Variants in ALMS1 observed in about 807,000 individuals in gnomAD.
The protein encoded by ALMS1 is centrosome-associated protein ALMS1.
Under a neutral mutation model 352.2 loss-of-function variants are expected in ALMS1, and 271 were observed. The ratio of observed to expected loss-of-function variants is 0.77; its 90% CI spans 0.70 to 0.85. The LOEUF is 0.85. ALMS1 is among the 40% of genes least tolerant of loss of function. The probability of loss-of-function intolerance (pLI) is 0.00; values close to 1 mark genes in which losing one functional copy is unlikely to be tolerated. For synonymous variants in ALMS1, 1,865 were observed against 1,761.2 expected (o/e 1.06, Z -1.48); for missense variants, 5,445 against 4,870.7 (o/e 1.12, Z -3.51).
Position 73,453,666 on chromosome 2 carries a change from A to T in ALMS1, c.7139A>T (p.Gln2380Leu). 6.2e-7 allele frequency: 1 copy of T among 1,614,168 alleles called. No homozygotes were observed. ...VSMALEETLR[Q>L]YQAAKSVMRS... ...ATGGCATTAGAAGAAACTCTTAGGC[A>T]ATATCAAGCAGCCAAATCTGTAATG... Residue 2380 changes from glutamine (Q) to leucine (L), a missense_variant, in exon 8 of 23, where the codon CAA (glutamine) becomes CTA (leucine). Gln to Leu is a moderately radical substitution (Grantham distance 113, BLOSUM62 -2). Transcript: ENST00000613296.
At chr2:73,605,169 G>C (rs531889482) in intron 21 of ALMS1, among the ~76,000 whole-genome samples, 191 of 152,248 alleles carry the variant, frequency 1.3e-3, no homozygotes, top group South Asian at 9.9e-3. Context: ...AAGTGGGTCT[G>C]TGACTTCAGG....
intron 15 of ALMS1, among the ~76,000 whole-genome samples, chr2:73,563,869 C>A (rs1205825862): frequency 2.0e-5 from 3 of 151,388 alleles, no homozygotes; most frequent in Non-Finnish European, 4.4e-5. Context: ...ATAAAACAGA[C>A]AACCCTAGGA....
chr2:73,608,337 C>T (rs1467408725), intron 21 of ALMS1, 138 bp from the exon 22 acceptor site: 11 of 714,288 alleles, frequency 1.5e-5, no homozygotes, highest in East Asian at 5.3e-5. Context: ...GAGTATCTAA[C>T]GGGGCCCAGG....
intron 14 of ALMS1, among the ~76,000 whole-genome samples, chr2:73,558,323 GT>G (rs1335919132): frequency 6.6e-6 from 1 of 152,136 alleles, no homozygotes; most frequent in Non-Finnish European, 1.5e-5. Flanking sequence ...GGTATTGCTT[GT>G]TTAAAAAGGT....
intron 10 of ALMS1, among the ~76,000 whole-genome samples, chr2:73,493,584 TG>T (rs1277036556): frequency 6.6e-6 from 1 of 151,886 alleles, no homozygotes; most frequent in African/African-American, 2.4e-5. Context: ...TAGCTGGGCA[TG>T]GTGGCACATG....
intron 11 of ALMS1, among the ~76,000 whole-genome samples, chr2:73,524,583 G>A (rs796804698): frequency 2.6e-5 from 4 of 152,184 alleles, no homozygotes; most frequent in African/African-American, 9.6e-5. Flanking sequence ...CTCCTGAGTA[G>A]CTGGGATTAC....
At chr2:73,464,922 A>T (rs1314617128) in intron 9 of ALMS1, among the ~76,000 whole-genome samples, 1 of 152,194 alleles carries the variant, frequency 6.6e-6, no homozygotes, top group Non-Finnish European at 1.5e-5. Context: ...AGAACTACAA[A>T]CCACTGCTCA....
intron 10 of ALMS1, among the ~76,000 whole-genome samples, chr2:73,516,474 A>G (rs1357559561): frequency 6.6e-6 from 1 of 152,208 alleles, no homozygotes; most frequent in Non-Finnish European, 1.5e-5. Flanking sequence ...AAATCATTCT[A>G]CTGAAAAAAC....
chr2:73,405,770 T>G (rs1363430143), intron 1 of ALMS1, among the ~76,000 whole-genome samples: 2 of 152,184 alleles, frequency 1.3e-5, no homozygotes, highest in Non-Finnish European at 2.9e-5. Context: ...TGCTTTAATT[T>G]TTGTCTTAAT....
At chr2:73,493,905 G>A (rs977366753) in intron 10 of ALMS1, among the ~76,000 whole-genome samples, 20 of 152,180 alleles carry the variant, frequency 1.3e-4, no homozygotes, top group Middle Eastern at 3.4e-3. Flanking sequence ...CTTAATAAAC[G>A]TGAAAATTTA....
chr2:73,463,077 C>G (rs906392484), intron 9 of ALMS1, among the ~76,000 whole-genome samples: 22 of 152,234 alleles, frequency 1.4e-4, no homozygotes, highest in South Asian at 8.3e-4. Context: ...GGATACCCAG[C>G]AATTGAATTC....
At chr2:73,489,499 G>A (rs1226900802) in intron 9 of ALMS1, 135 bp from the exon 10 acceptor site, 13 of 1,015,874 alleles carry the variant, frequency 1.3e-5, no homozygotes, top group Middle Eastern at 5.1e-4. Context: ...TCTTTGTCCT[G>A]TTATATTATA....
In ALMS1 at chr2:73,489,850, G is replaced by T; in HGVS notation, c.7891G>T (p.Ala2631Ser). 1 of 1,614,108 alleles carries T rather than the reference G, an allele frequency of 6.2e-7. No homozygotes were observed. The highest frequency in any genetic ancestry group is 8.5e-7 in the Non-Finnish European group (1 of 1,180,032). Residue 2631 changes from alanine (A) to serine (S), a missense_variant, in exon 10 of 23, where the codon GCA becomes TCA. Physicochemically the swap from Ala to Ser is moderately conservative, Grantham distance 99. Transcript: ENST00000613296. ...SCRAKHVNLS[A>S]SLDQNNSHFK... ...CAGAGCCAAGCATGTCAACCTTTCT[G>T]CATCCTTAGACCAGAACAACTCCCA...
At chr2:73,517,246 CTTTTTT>C (rs770879267) in intron 10 of ALMS1, among the ~76,000 whole-genome samples, 4 of 105,000 alleles carry the variant, frequency 3.8e-5, no homozygotes, top group Admixed American at 1.1e-4. Context: ...AAGTTTTAGT[CTTTTTT>C]TTTTTTTTTT....
At chr2:73,429,413 C>G (rs553010230) in intron 6 of ALMS1, among the ~76,000 whole-genome samples, 2 of 151,660 alleles carry the variant, frequency 1.3e-5, no homozygotes, top group Non-Finnish European at 2.9e-5. Flanking sequence ...TCCCAAGTAG[C>G]TGGGATTACA....
intron 10 of ALMS1, among the ~76,000 whole-genome samples, chr2:73,509,262 T>C (rs1341653586): frequency 1.3e-5 from 2 of 152,178 alleles, no homozygotes; most frequent in African/African-American, 4.8e-5. Context: ...AAGGTTACTA[T>C]TGTTAGGTGT....
intron 1 of ALMS1, among the ~76,000 whole-genome samples, chr2:73,389,106 T>G (rs1247762233): frequency 6.6e-6 from 1 of 152,160 alleles, no homozygotes; most frequent in Non-Finnish European, 1.5e-5. Flanking sequence ...CCAACATCTG[T>G]TTTTTGACTT....
rs1232628050 is a variant in ALMS1, at chr2:73,432,213, G to A, written c.1354G>A (p.Glu452Lys). 1.2e-6 allele frequency: 2 copies of A among 1,612,902 alleles called. No homozygotes were observed. The highest frequency in any genetic ancestry group is 1.7e-6 in the Non-Finnish European group (2 of 1,179,212). Residue 452 changes from glutamate to lysine, a missense_variant, in exon 7 of 23, where the codon GAA becomes AAA. Glu to Lys is a moderately conservative substitution (Grantham distance 56). Coordinates refer to ENST00000613296, the MANE Select transcript of ALMS1 (RefSeq NM_001378454.1). The stretch of plus-strand genomic sequence containing the variant: ...TCCACATAAGCCAACAAGAGAGTCG[G>A]AATATCACTCTTCAGATCTCAGAAT... ...ELQRKPTRES[E>K]YHSSDLRMLR... is the part of the protein sequence containing the mutation.
rs895408562 is a variant in ALMS1 at position 73,455,410 on chromosome 2, T to C, written c.7674+115T>C. 21 of 1,401,514 alleles carry C rather than the reference T, an allele frequency of 1.5e-5. No individual in the cohort carries two copies. In the African/African-American group the frequency reaches 2.3e-4, roughly 15 times the overall value. 86.8% of individuals were successfully genotyped at this position (1,401,514 alleles called of 1,614,324 possible). On this transcript the variant is annotated intron_variant, in intron 9 of 22. Coordinates refer to ENST00000613296, the MANE Select transcript of ALMS1 (RefSeq NM_001378454.1). The stretch of plus-strand genomic sequence containing the variant: ...TGATAATATTTGGCTAAAGCCTTTT[T>C]TGGTTTTGTTTTTGAGACAGTCTTG...
Sources: allele counts gnomAD v4.1 joint callset (sites outside exome capture counted in the v4.1 genomes callset), GRCh38; gene constraint gnomAD v4.1.1; transcripts MANE v1.5; gene names NCBI Gene and HGNC (gene_info 2026-07-23, HGNC 2026-07-21).